The following PDE4D variants were observed in gnomAD, a reference collection of about 807,000 sequenced individuals.
PDE4D encodes the protein 3',5'-cyclic-AMP phosphodiesterase 4D.
In PDE4D, 24 loss-of-function variants were observed where a neutral mutation model predicts 87.4. The ratio of observed to expected loss-of-function variants is 0.27; its 90% CI spans 0.20 to 0.39. PDE4D has a LOEUF of 0.39. Among genes scored for constraint, PDE4D ranks in the 10% least tolerant of loss-of-function variants. PDE4D has a pLI of 1.00. For synonymous variants in PDE4D, 384 were observed against 383.2 expected (o/e 1.00, Z -0.02); for missense variants, 714 against 1,041.0 (o/e 0.69, Z 4.32).
At chr5:59,844,901 T>C (rs1246905900) in intron 1 of PDE4D, among the ~76,000 whole-genome samples, 1 of 151,942 alleles carries the variant, frequency 6.6e-6, no homozygotes, top group African/African-American at 2.4e-5. Flanking sequence ...TAAGGAGGAG[T>C]TGGGCCCTTC....
At chr5:59,099,236 C>G (rs1259185929) in intron 5 of PDE4D, among the ~76,000 whole-genome samples, 2 of 152,110 alleles carry the variant, frequency 1.3e-5, no homozygotes, top group Admixed American at 1.3e-4. Flanking sequence ...AGAAATTTCC[C>G]CCAAAGGACA....
rs1426150454 is a variant in PDE4D, at chr5:60,060,619, C to T, written c.43-71902G>A. Among the ~76,000 whole-genome samples, 3 of 152,108 alleles carry T rather than the reference C, an allele frequency of 2.0e-5. No homozygotes were observed. The East Asian group carries it at 5.8e-4, about 29-fold the overall frequency. On this transcript the variant is annotated intron_variant, in intron 2 of 16. Transcript: ENST00000502484. ...TGTCCTACATGTTCCTTCACTACAG[C>T]AAATAATTCCTAGGTCTGGGGCTAA...
chr5:59,916,480 A>G (rs912970225), intron 3 of PDE4D, among the ~76,000 whole-genome samples: 3 of 152,226 alleles, frequency 2.0e-5, no homozygotes, highest in Admixed American at 6.5e-5. Context: ...TGGTCAAAAC[A>G]TGTGCCAACT....
chr5:59,946,533 C>T (rs746835556), intron 3 of PDE4D, among the ~76,000 whole-genome samples: 2 of 152,188 alleles, frequency 1.3e-5, no homozygotes, highest in Admixed American at 1.3e-4. Flanking sequence ...TCTAAAGTAT[C>T]CTGGGTTCCC....
chr5:59,771,502 GAAAGAAAGA>G (rs1251101262), intron 1 of PDE4D, among the ~76,000 whole-genome samples: 1 of 118,918 alleles, frequency 8.4e-6, no homozygotes, highest in Non-Finnish European at 1.8e-5. Context: ...AGAGAGAGAA[GAAAGAAAGA>G]AAGAAAGAAA....
In PDE4D at chr5:59,065,065, TATACACAC is replaced by T. The variant is rs1231055004; in HGVS notation, c.809-26102_809-26095del. On this transcript the variant is annotated intron_variant, in intron 5 of 14. Transcript: ENST00000340635. ...ATGGACAAAGGAAATGTGATATATA[TATACACAC>T]ACACACACACACACACACACACACA... Among the ~76,000 whole-genome samples, 26 of 10,520 alleles carry T rather than the reference TATACACAC, an allele frequency of 2.5e-3. 1 individual carries two copies. Among genetic ancestry groups the T allele is most frequent in the South Asian group, 0.016 (7 of 450 alleles). The allele number at this position is 10,520 out of a possible 152,430, so 6.9% of individuals were successfully genotyped here.
intron 1 of PDE4D, among the ~76,000 whole-genome samples, chr5:59,300,665 A>G (rs1770037089): frequency 6.6e-6 from 1 of 152,090 alleles, no homozygotes; most frequent in Non-Finnish European, 1.5e-5. Flanking sequence ...CCTTCTACGA[A>G]CAAACATGTG....
intron 1 of PDE4D, among the ~76,000 whole-genome samples, chr5:59,305,569 G>A (rs889782399): frequency 6.6e-6 from 1 of 152,006 alleles, no homozygotes; most frequent in African/African-American, 2.4e-5. Flanking sequence ...CACCACCTTT[G>A]CTGTATCCCA....
chr5:59,746,321 C>G (rs1282440021), intron 1 of PDE4D, among the ~76,000 whole-genome samples: 3 of 152,140 alleles, frequency 2.0e-5, no homozygotes, highest in Non-Finnish European at 4.4e-5. Flanking sequence ...AATAATATGA[C>G]TTTACCAGAC....
intron 2 of PDE4D, among the ~76,000 whole-genome samples, chr5:60,121,594 C>T (rs1473724235): frequency 6.6e-6 from 1 of 152,056 alleles, no homozygotes; most frequent in Admixed American, 6.5e-5. Context: ...ACCACGAGAA[C>T]AGTGTGGAGG....
intron 1 of PDE4D, among the ~76,000 whole-genome samples, chr5:60,366,981 AGAG>A (rs1445927758): frequency 6.6e-6 from 1 of 152,174 alleles, no homozygotes; most frequent in African/African-American, 2.4e-5. Context: ...CCAGACCAAG[AGAG>A]GAGAAAATTA....
intron 2 of PDE4D, chr5:60,127,740 A>C: frequency 1.8e-6 from 1 of 561,844 alleles, no homozygotes. Flanking sequence ...TGCCTCTGAA[A>C]CACTCAATGG....
At chr5:59,094,875 AG>A (rs1449143598) in intron 5 of PDE4D, among the ~76,000 whole-genome samples, 2 of 152,122 alleles carry the variant, frequency 1.3e-5, no homozygotes, top group African/African-American at 4.8e-5. Flanking sequence ...GGCAAGAATT[AG>A]GGGTCTTCTT....
At chr5:59,620,392 A>G (rs1320266854) in intron 1 of PDE4D, among the ~76,000 whole-genome samples, 1 of 152,178 alleles carries the variant, frequency 6.6e-6, no homozygotes, top group East Asian at 1.9e-4. Flanking sequence ...GCAGTTGAGA[A>G]ATAAGACTAT....
chr5:59,878,328 G>A (rs978601344), intron 1 of PDE4D, among the ~76,000 whole-genome samples: 1 of 152,154 alleles, frequency 6.6e-6, no homozygotes, highest in African/African-American at 2.4e-5. Context: ...CTGCAGATGA[G>A]CGTTTTCAAA....
At chr5:60,074,321 G>A (rs1331240067) in intron 2 of PDE4D, among the ~76,000 whole-genome samples, 1 of 152,102 alleles carries the variant, frequency 6.6e-6, no homozygotes, top group African/African-American at 2.4e-5. Context: ...TAGTTTCCAT[G>A]TAACTGTATG....
At chr5:59,523,437 G>C (rs1236732565) in intron 1 of PDE4D, among the ~76,000 whole-genome samples, 1 of 152,104 alleles carries the variant, frequency 6.6e-6, no homozygotes, top group Non-Finnish European at 1.5e-5. Flanking sequence ...TGTTGTTTCT[G>C]AGAGAGCTCC....
chr5:59,587,102 A>C (rs1825265079), intron 1 of PDE4D: 1 of 571,330 alleles, frequency 1.8e-6, no homozygotes, highest in Non-Finnish European at 2.2e-6. Context: ...TGACTTCAGA[A>C]GATGCTGTCA....
chr5:59,871,736 C>A (rs1313933213), intron 1 of PDE4D, among the ~76,000 whole-genome samples: 1 of 152,088 alleles, frequency 6.6e-6, no homozygotes. Flanking sequence ...TTTTCATTAC[C>A]TACACCCTCA....
Sources: allele counts gnomAD v4.1 joint callset (sites outside exome capture counted in the v4.1 genomes callset), GRCh38; gene constraint gnomAD v4.1.1; transcripts MANE v1.5; gene names NCBI Gene and HGNC (gene_info 2026-07-23, HGNC 2026-07-21).